KANSL1: variants seen among roughly 807,000 people sequenced by gnomAD.
KANSL1 encodes MLL1/MLL complex subunit KANSL1.
In KANSL1, 22 loss-of-function variants were observed where a neutral mutation model predicts 103.6. That is an observed-to-expected ratio of 0.21 (90% confidence interval 0.15 to 0.30). The LOEUF is 0.30. Among genes scored for constraint, KANSL1 ranks in the 10% least tolerant of loss-of-function variants. The pLI is 1.00. For missense variants in KANSL1, 1,337 were observed against 1,399.8 expected (o/e 0.96, Z 0.72); for synonymous variants, 600 against 527.6 (o/e 1.14, Z -1.88).
intron 4 of KANSL1, among the ~76,000 whole-genome samples, chr17:46,076,457 C>T (rs1372986723): frequency 7.5e-6 from 1 of 133,280 alleles, no homozygotes; most frequent in Non-Finnish European, 1.6e-5. Flanking sequence ...GATCACACCA[C>T]AGAACTCCAG....
At chr17:46,067,745 G>A (rs748545599) in intron 4 of KANSL1, 78 bp from the exon 5 acceptor site, 6 of 733,212 alleles carry the variant, frequency 8.2e-6, no homozygotes, top group Middle Eastern at 4.8e-4. Context: ...CACTTCATTT[G>A]CACAAAGCAC....
At chr17:46,112,322 C>G (rs1201229140) in intron 2 of KANSL1, among the ~76,000 whole-genome samples, 3 of 118,838 alleles carry the variant, frequency 2.5e-5, no homozygotes, top group East Asian at 5.7e-4. Context: ...GAGCCAAGAT[C>G]AAGTCATTGC....
intron 3 of KANSL1, among the ~76,000 whole-genome samples, chr17:46,088,070 G>A (rs1037236201): frequency 7.9e-5 from 12 of 152,182 alleles, no homozygotes; most frequent in South Asian, 4.1e-4. Flanking sequence ...GCCATGTCCC[G>A]AGTCAGAGCC....
In KANSL1 at chr17:46,059,170, T is replaced by A. The variant is rs537262688; in HGVS notation, c.1848+7367A>T. 6.6e-5 allele frequency among the ~76,000 whole-genome samples: 10 copies of A among 151,882 alleles called. No homozygotes were observed. In the East Asian group the frequency reaches 1.2e-3, roughly 18 times the overall value. On this transcript the variant is annotated intron_variant, in intron 6 of 14. Coordinates refer to ENST00000432791, the MANE Select transcript of KANSL1 (RefSeq NM_015443.4). ...TATCAATAAAAAGAGGACAGGGAACTAAGCATGACACACTTCCAAGTACCA... is the reference window on the plus strand; with the variant it reads ...TATCAATAAAAAGAGGACAGGGAACAAAGCATGACACACTTCCAAGTACCA...
chr17:46,175,030 A>ATT (rs1259134406), intron 1 of KANSL1, among the ~76,000 whole-genome samples: 2 of 152,220 alleles, frequency 1.3e-5, no homozygotes, highest in Non-Finnish European at 2.9e-5. Flanking sequence ...TTCTCAACAA[A>ATT]TTTTAAGAGT....
intron 3 of KANSL1, among the ~76,000 whole-genome samples, chr17:46,092,698 GGTT>G (rs2079445030): frequency 1.0e-5 from 1 of 95,286 alleles, no homozygotes; most frequent in African/African-American, 4.5e-5. Context: ...TGAGCTGTTG[GGTT>G]GTTTTTTTTT....
chr17:46,124,355 A>G (rs2043420933), intron 2 of KANSL1, among the ~76,000 whole-genome samples: 1 of 152,266 alleles, frequency 6.6e-6, no homozygotes, highest in African/African-American at 2.4e-5. Context: ...TTTTAAGTCC[A>G]CCATTGAGAC....
chr17:46,138,482 T>C (rs1327888216), intron 2 of KANSL1, among the ~76,000 whole-genome samples: 1 of 152,258 alleles, frequency 6.6e-6, no homozygotes, highest in African/African-American at 2.4e-5. Context: ...ACACAAATAC[T>C]ATCCCATCTT....
intron 10 of KANSL1, chr17:46,038,102 G>A (rs1204427039): frequency 6.1e-6 from 1 of 164,662 alleles, no homozygotes; most frequent in Non-Finnish European, 1.3e-5. Flanking sequence ...CACCCAGAGA[G>A]TAAAACCAAG....
chr17:46,034,941 C>G (rs1425423458), intron 10 of KANSL1: 1 of 152,236 alleles, frequency 6.6e-6, no homozygotes, highest in African/African-American at 2.4e-5. Context: ...AGAGGAGAAC[C>G]TGACTATACC....
intron 2 of KANSL1, among the ~76,000 whole-genome samples, chr17:46,122,057 A>G (rs922175075): frequency 2.0e-5 from 3 of 152,248 alleles, no homozygotes; most frequent in Non-Finnish European, 2.9e-5. Flanking sequence ...ACACGATAAT[A>G]AAGTTGAAAA....
intron 1 of KANSL1, among the ~76,000 whole-genome samples, chr17:46,190,365 T>C (rs1224951917): frequency 1.3e-5 from 2 of 152,256 alleles, no homozygotes; most frequent in Non-Finnish European, 2.9e-5. Context: ...ATAACATGTG[T>C]AGGCAGGAAG....
In KANSL1 at chr17:46,086,235, T is replaced by G. The variant is rs555804947; in HGVS notation, c.1432-3693A>C. ...TTTTTCCTTAAACTACAGAATAATT[T>G]CTAAATACAACCCTCAGATAGATTA... On this transcript the variant is annotated intron_variant, in intron 3 of 14. Transcript: ENST00000432791. 4.9e-4 allele frequency among the ~76,000 whole-genome samples: 74 copies of G among 152,328 alleles called. 1 individual carries two copies. Among genetic ancestry groups the G allele is most frequent in the African/African-American group, 1.7e-3 (70 of 41,568 alleles).
chr17:46,204,117 G>A (rs1204053728), intron 1 of KANSL1, among the ~76,000 whole-genome samples: 4 of 152,106 alleles, frequency 2.6e-5, no homozygotes, highest in African/African-American at 7.2e-5. Context: ...ATAGGCCACT[G>A]TACTCCAGCC....
At chr17:46,161,291 C>T (rs1419720736) in intron 2 of KANSL1, among the ~76,000 whole-genome samples, 1 of 150,814 alleles carries the variant, frequency 6.6e-6, no homozygotes, top group African/African-American at 2.5e-5. Context: ...AAAAAATTAG[C>T]CGGGTGTGGT....
intron 6 of KANSL1, among the ~76,000 whole-genome samples, chr17:46,061,923 C>T (rs1489784414): frequency 6.6e-6 from 1 of 151,992 alleles, no homozygotes; most frequent in African/African-American, 2.4e-5. Flanking sequence ...GAAACCTTGT[C>T]TCTACTAAAA....
At chr17:46,052,108 G>T (rs2077730643) in intron 6 of KANSL1, among the ~76,000 whole-genome samples, 1 of 152,222 alleles carries the variant, frequency 6.6e-6, no homozygotes, top group Non-Finnish European at 1.5e-5. Context: ...AAAGAGAAAT[G>T]AGTAGGTAGA....
intron 2 of KANSL1, among the ~76,000 whole-genome samples, chr17:46,109,632 A>G (rs1272119152): frequency 6.6e-6 from 1 of 152,186 alleles, no homozygotes; most frequent in Non-Finnish European, 1.5e-5. Context: ...AAAGGTGGAC[A>G]TTTTTACCAT....
chr17:46,157,640 T>C (rs989626305), intron 2 of KANSL1, among the ~76,000 whole-genome samples: 26 of 152,272 alleles, frequency 1.7e-4, no homozygotes, highest in Admixed American at 1.6e-3. Flanking sequence ...AGAGGTCACC[T>C]GTTGCACTAA....
Sources: allele counts gnomAD v4.1 joint callset (sites outside exome capture counted in the v4.1 genomes callset), GRCh38; gene constraint gnomAD v4.1.1; transcripts MANE v1.5; gene names NCBI Gene and HGNC (gene_info 2026-07-23, HGNC 2026-07-21).